Variants in SPRY3 observed in about 807,000 individuals in gnomAD.
The protein encoded by SPRY3 is sprouty RTK signaling antagonist 3, also known as protein sprouty homolog 3.
In SPRY3, 15 loss-of-function variants were observed where a neutral mutation model predicts 20.2. That is an observed-to-expected ratio of 0.74 (90% confidence interval 0.50 to 1.14). The LOEUF (loss-of-function observed/expected upper bound fraction) is 1.14, where lower values mean the gene tolerates loss of function less well. SPRY3 is among the 50% of genes most tolerant of loss of function. The pLI, the probability that SPRY3 is intolerant of heterozygous loss-of-function variation, is 0.00. For synonymous variants in SPRY3, 143 were observed against 136.5 expected, an observed-to-expected ratio of 1.05 and a Z score of -0.33; for missense variants, 364 against 363.9, an observed-to-expected ratio of 1.00 and a Z score of 0.00.
intron 2 of SPRY3, among the ~76,000 whole-genome samples, chrX:155,705,064 A>G (rs1278128808): frequency 6.6e-6 from 1 of 151,610 alleles, no homozygotes; most frequent in African/African-American, 2.4e-5. Flanking sequence ...GGACTACACA[A>G]GGAAATAAAG....
chrX:155,728,046 C>G (rs2091110275), intron 2 of SPRY3, among the ~76,000 whole-genome samples: 1 of 152,208 alleles, frequency 6.6e-6, no homozygotes, highest in Non-Finnish European at 1.5e-5. Flanking sequence ...TTCTGACAGT[C>G]AGGTCCCTCA....
At chrX:155,628,371 A>G (rs1041071242) in intron 1 of SPRY3, among the ~76,000 whole-genome samples, 3 of 112,419 alleles carry the variant, frequency 2.7e-5, no homozygotes, top group African/African-American at 9.7e-5. Flanking sequence ...GCACAGGAAA[A>G]GAAACTATCA....
At chrX:155,740,596 G>A (rs2091199031) in intron 2 of SPRY3, among the ~76,000 whole-genome samples, 1 of 152,012 alleles carries the variant, frequency 6.6e-6, no homozygotes, top group East Asian at 1.9e-4. Context: ...TTACTACGGT[G>A]GGGAAAAACC....
At chrX:155,654,953 A>G (rs1202657147) in intron 1 of SPRY3, among the ~76,000 whole-genome samples, 2 of 111,490 alleles carry the variant, frequency 1.8e-5, no homozygotes, top group Non-Finnish European at 3.8e-5. Context: ...TGTTTTCTGT[A>G]GAGGTTGTAT....
chrX:155,684,492 A>T (rs1324856245), intron 2 of SPRY3, among the ~76,000 whole-genome samples: 1 of 112,053 alleles, frequency 8.9e-6, no homozygotes. Context: ...TACTAATTCA[A>T]TTGGAATGTA....
chrX:155,624,331 T>A (rs963623002), intron 1 of SPRY3, among the ~76,000 whole-genome samples: 14 of 112,098 alleles, frequency 1.2e-4, no homozygotes, highest in Non-Finnish European at 1.9e-4. Context: ...TGAGCATATC[T>A]ACAAATCTTT....
chrX:155,633,376 TAAAAAAAAAA>T (rs1170609386), intron 1 of SPRY3, among the ~76,000 whole-genome samples: 1 of 21,101 alleles, frequency 4.7e-5, no homozygotes, highest in Non-Finnish European at 9.2e-5. Context: ...CCGTCTCTAC[TAAAAAAAAAA>T]AAAAAAAAAA....
intron 2 of SPRY3, among the ~76,000 whole-genome samples, chrX:155,761,260 G>T (rs1364115359): frequency 6.6e-6 from 1 of 151,952 alleles, no homozygotes; most frequent in Non-Finnish European, 1.5e-5. Flanking sequence ...AACTCTCTCT[G>T]CTCTTCTGTG....
At chrX:155,779,483 A>G (rs912462799), downstream of SPRY3, 3 of 166,980 alleles carry the variant, frequency 1.8e-5, no homozygotes, top group African/African-American at 7.2e-5. Context: ...TCTTTTTTAT[A>G]TGGAAATTAA....
At chrX:155,689,471 C>A (rs1210951970) in intron 2 of SPRY3, among the ~76,000 whole-genome samples, 5 of 86,758 alleles carry the variant, frequency 5.8e-5, no homozygotes, top group Non-Finnish European at 1.1e-4. Flanking sequence ...GGCTATGAAT[C>A]CAACTGGTCC....
chrX:155,648,306 A>C (rs2067964398), intron 1 of SPRY3, among the ~76,000 whole-genome samples: 1 of 112,609 alleles, frequency 8.9e-6, no homozygotes, highest in Admixed American at 9.3e-5. Flanking sequence ...TAGTTTAATT[A>C]GATCCCATTT....
chrX:155,719,873 G>C (rs1210074661), intron 2 of SPRY3, among the ~76,000 whole-genome samples: 2 of 152,116 alleles, frequency 1.3e-5, no homozygotes, highest in African/African-American at 2.4e-5. Context: ...ATTCCCGGCT[G>C]TGGTGGCTAT....
intron 1 of SPRY3, among the ~76,000 whole-genome samples, chrX:155,645,290 A>C (rs1473677236): frequency 8.9e-6 from 1 of 112,191 alleles, no homozygotes; most frequent in African/African-American, 3.2e-5. Context: ...GCCTCAGGTT[A>C]CAAACACTCC....
chrX:155,706,604 T>C (rs766870421), intron 2 of SPRY3, among the ~76,000 whole-genome samples: 1 of 146,756 alleles, frequency 6.8e-6, no homozygotes, highest in African/African-American at 2.5e-5. Context: ...GCCAGAATGA[T>C]CAAGAAAAAA....
intron 2 of SPRY3, among the ~76,000 whole-genome samples, chrX:155,719,152 G>A (rs372051566): frequency 2.2e-4 from 33 of 152,236 alleles, no homozygotes; most frequent in African/African-American, 7.9e-4. Context: ...GCATTTTTGT[G>A]CACTGGGGGA....
intron 2 of SPRY3, among the ~76,000 whole-genome samples, chrX:155,766,963 C>G (rs748001908): frequency 2.6e-5 from 4 of 152,234 alleles, no homozygotes; most frequent in African/African-American, 9.6e-5. Flanking sequence ...TTCTCTTCAT[C>G]TTATTGAAGC....
exon 4 of SPRY3, chrX:155,773,849 C>T (rs1397516156): frequency 1.2e-6 from 2 of 1,604,470 alleles, no homozygotes; most frequent in Non-Finnish European, 1.7e-6. Flanking sequence ...TAAAACCACT[C>T]AGAGCTAAAA....
intron 2 of SPRY3, among the ~76,000 whole-genome samples, chrX:155,733,882 G>T (rs2091151007): frequency 6.6e-6 from 1 of 152,014 alleles, no homozygotes; most frequent in Non-Finnish European, 1.5e-5. Context: ...TCATGAACCA[G>T]CCTCTGCTAG....
intron 2 of SPRY3, among the ~76,000 whole-genome samples, chrX:155,755,407 T>C (rs1305164991): frequency 6.6e-6 from 1 of 152,030 alleles, no homozygotes; most frequent in Non-Finnish European, 1.5e-5. Context: ...TGTAGAGAAG[T>C]AGTGTGGCAT....
Sources: allele counts gnomAD v4.1 joint callset (sites outside exome capture counted in the v4.1 genomes callset), GRCh38; gene constraint gnomAD v4.1.1; transcripts MANE v1.5; gene names NCBI Gene and HGNC (gene_info 2026-07-23, HGNC 2026-07-21).